The following GRM7 variants were observed in gnomAD, a reference collection of about 807,000 sequenced individuals.
GRM7 encodes glutamate metabotropic receptor 7.
Under a neutral mutation model 84.5 loss-of-function variants are expected in GRM7, and 35 were observed. The observed-to-expected ratio is 0.41, with a 90% CI of 0.32 to 0.55. The LOEUF is 0.55. Ranked by LOEUF, GRM7 falls within the 20% of genes least tolerant of loss-of-function variation. The probability of loss-of-function intolerance (pLI) is 0.19; values close to 1 mark genes in which losing one functional copy is unlikely to be tolerated. For synonymous variants in GRM7, 487 were observed against 455.1 expected (o/e 1.07, Z -0.89); for missense variants, 1,003 against 1,194.6 (o/e 0.84, Z 2.36).
chr3:7,568,470 T>G (rs569344039), intron 7 of GRM7, among the ~76,000 whole-genome samples: 1 of 152,374 alleles, frequency 6.6e-6, no homozygotes, highest in African/African-American at 2.4e-5. Flanking sequence ...TCTCGGCGCC[T>G]CCTCGGCCTT....
chr3:7,685,438 G>A (rs775260460), intron 9 of GRM7, among the ~76,000 whole-genome samples: 1 of 152,158 alleles, frequency 6.6e-6, no homozygotes, highest in Non-Finnish European at 1.5e-5. Flanking sequence ...TGGCAGGTCA[G>A]CAGCAACTAG....
Position 6,883,338 on chromosome 3 carries a change from C to T in GRM7, c.519+21431C>T, listed in dbSNP as rs555412605. Among the ~76,000 whole-genome samples, 200 of 151,874 alleles carry T rather than the reference C, an allele frequency of 1.3e-3. 2 individuals carry two copies. The highest frequency in any genetic ancestry group is 4.6e-3 in the African/African-American group (189 of 41,454). ...TCTTTTTTAATTTATAAATTATAAT[C>T]TCATGTTTATAGAAATTCTTTAATA... On this transcript the variant is annotated intron_variant, in intron 1 of 9. Coordinates refer to ENST00000357716, the MANE Select transcript of GRM7 (RefSeq NM_000844.4).
At chr3:7,464,639 G>C (rs920372206) in intron 7 of GRM7, among the ~76,000 whole-genome samples, 4 of 151,758 alleles carry the variant, frequency 2.6e-5, no homozygotes, top group Admixed American at 1.3e-4. Context: ...GACCATCCTG[G>C]CTAACACTGT....
intron 9 of GRM7, among the ~76,000 whole-genome samples, chr3:7,730,419 C>T (rs1219571474): frequency 1.3e-5 from 2 of 152,156 alleles, no homozygotes; most frequent in African/African-American, 4.8e-5. Context: ...TCCCTATTGC[C>T]TAAAACAGTA....
intron 2 of GRM7, among the ~76,000 whole-genome samples, chr3:7,270,988 CA>C (rs2124977176): frequency 6.6e-6 from 1 of 152,272 alleles, no homozygotes; most frequent in East Asian, 1.9e-4. Context: ...TGGAATTTTG[CA>C]GCCAGGTCTC....
At chr3:7,675,208 C>T (rs1274601108) in intron 8 of GRM7, among the ~76,000 whole-genome samples, 2 of 152,148 alleles carry the variant, frequency 1.3e-5, no homozygotes, top group African/African-American at 4.8e-5. Flanking sequence ...TTATATCTAT[C>T]CCTGTGCCCT....
chr3:7,693,970 AT>A (rs1559491853), intron 9 of GRM7, among the ~76,000 whole-genome samples: 2 of 152,164 alleles, frequency 1.3e-5, no homozygotes, highest in African/African-American at 2.4e-5. Context: ...ACTGTGATCT[AT>A]TGTTCTACTG....
intron 4 of GRM7, among the ~76,000 whole-genome samples, chr3:7,413,826 A>G (rs1696046355): frequency 6.6e-6 from 1 of 152,160 alleles, no homozygotes; most frequent in African/African-American, 2.4e-5. Context: ...ACAATCTGCT[A>G]GGGAACTTGA....
At chr3:7,693,950 A>C (rs752123712) in intron 9 of GRM7, among the ~76,000 whole-genome samples, 1 of 152,188 alleles carries the variant, frequency 6.6e-6, no homozygotes, top group Non-Finnish European at 1.5e-5. Flanking sequence ...CAAATGATGA[A>C]GAGATCCCTA....
At position 6,861,442 on chromosome 3, in the gene GRM7, C is replaced by T; in HGVS notation, c.54C>T (p.Cys18=). The change falls in exon 1 of 10, where the codon TGC becomes TGT. Residue 18 remains cysteine (C), a synonymous_variant. Coordinates refer to ENST00000357716, the MANE Select transcript of GRM7 (RefSeq NM_000844.4). The surrounding 1 kb of genome is among the most constrained non-coding windows in gnomAD (Gnocchi z 6.4). The stretch of plus-strand genomic sequence containing the variant: ...TCCTGACTTTGATGAAGTTCCCCTG[C>T]TGCGTGCTGGAGGTGCTCCTGTGCG... ...LRVLTLMKFP[C]CVLEVLLCAL... The T allele has an allele frequency of 6.3e-7, 1 of 1,574,906 alleles. No individual in the cohort carries two copies. The highest frequency in any genetic ancestry group is 2.4e-5 in the East Asian group (1 of 42,018).
intron 7 of GRM7, among the ~76,000 whole-genome samples, chr3:7,549,179 A>G (rs1339549936): frequency 6.6e-6 from 1 of 152,234 alleles, no homozygotes; most frequent in Non-Finnish European, 1.5e-5. Context: ...AAATTAAATA[A>G]TACAAACTTA....
chr3:7,379,059 C>A (rs1298283144), intron 4 of GRM7, among the ~76,000 whole-genome samples: 2 of 152,012 alleles, frequency 1.3e-5, no homozygotes, highest in Non-Finnish European at 2.9e-5. Context: ...GTCTTCTGGG[C>A]ATTTTATTAA....
chr3:7,514,576 G>C (rs1049012632), intron 7 of GRM7, among the ~76,000 whole-genome samples: 7 of 152,142 alleles, frequency 4.6e-5, no homozygotes, highest in Non-Finnish European at 8.8e-5. Flanking sequence ...ACTTGCTTGG[G>C]GTGGCTGCAA....
chr3:6,936,666 T>C (rs1439653566), intron 1 of GRM7, among the ~76,000 whole-genome samples: 1 of 152,196 alleles, frequency 6.6e-6, no homozygotes, highest in Admixed American at 6.5e-5. Flanking sequence ...ATTAGTCTTC[T>C]AATCTTTGTG....
intron 2 of GRM7, among the ~76,000 whole-genome samples, chr3:7,231,210 G>C (rs893155355): frequency 6.6e-6 from 1 of 152,170 alleles, no homozygotes; most frequent in Non-Finnish European, 1.5e-5. Flanking sequence ...ATGTGAGATT[G>C]TGATTCCTGG....
intron 7 of GRM7, among the ~76,000 whole-genome samples, chr3:7,556,791 AT>A (rs1693784986): frequency 6.6e-6 from 1 of 152,182 alleles, no homozygotes; most frequent in Non-Finnish European, 1.5e-5. Context: ...TAGGAATGGT[AT>A]CCTTGAAGAA....
At chr3:7,521,059 A>G (rs1452085475) in intron 7 of GRM7, among the ~76,000 whole-genome samples, 1 of 152,170 alleles carries the variant, frequency 6.6e-6, no homozygotes, top group Non-Finnish European at 1.5e-5. Flanking sequence ...GGTCACACTG[A>G]TAATAATTGT....
At chr3:7,626,895 C>G (rs372007565) in intron 8 of GRM7, among the ~76,000 whole-genome samples, 1 of 151,002 alleles carries the variant, frequency 6.6e-6, no homozygotes, top group African/African-American at 2.4e-5. Flanking sequence ...TTTGCAATAG[C>G]CCAGGTCCAA....
chr3:7,552,821 G>C (rs937502055), intron 7 of GRM7, among the ~76,000 whole-genome samples: 1 of 152,218 alleles, frequency 6.6e-6, no homozygotes, highest in Non-Finnish European at 1.5e-5. Flanking sequence ...AGAAGTTGCT[G>C]TGAAGACCTC....
Sources: gnomAD v4.1 joint callset for allele counts (sites outside exome capture counted in the v4.1 genomes callset) on GRCh38, gnomAD v4.1.1 for gene constraint, Gnocchi (gnomAD v3.1) non-coding constraint, MANE v1.5 for transcripts, NCBI Gene and HGNC (gene_info 2026-07-23, HGNC 2026-07-21) for gene names.